CCSER2: variants seen among roughly 807,000 people sequenced by gnomAD.
CCSER2 encodes the protein coiled-coil serine rich protein 2.
CCSER2 carries 46 observed loss-of-function variants against 92.3 expected under a neutral mutation model. The ratio of observed to expected loss-of-function variants is 0.50; its 90% CI spans 0.39 to 0.64. CCSER2 has a LOEUF of 0.64. CCSER2 is among the 30% of genes least tolerant of loss of function. The pLI, the probability that CCSER2 is intolerant of heterozygous loss-of-function variation, is 0.00. For synonymous variants in CCSER2, 433 were observed against 431.4 expected (o/e 1.00, Z -0.04); for missense variants, 1,244 against 1,238.9 (o/e 1.00, Z -0.06).
chr10:84,418,861 C>T (rs375270356), intron 4 of CCSER2, among the ~76,000 whole-genome samples: 1 of 152,120 alleles, frequency 6.6e-6, no homozygotes, highest in Non-Finnish European at 1.5e-5. Context: ...CTGGGAAGCT[C>T]AGGCTATGGG....
chr10:84,439,471 T>G (rs1246166636), intron 6 of CCSER2, among the ~76,000 whole-genome samples: 1 of 152,220 alleles, frequency 6.6e-6, no homozygotes, highest in Non-Finnish European at 1.5e-5. Flanking sequence ...CAGCCTGACT[T>G]CTCTCTGCTG....
intron 3 of CCSER2, among the ~76,000 whole-genome samples, chr10:84,379,795 G>A (rs1330315779): frequency 2.0e-5 from 3 of 151,986 alleles, no homozygotes; most frequent in Admixed American, 6.6e-5. Flanking sequence ...TGTTTTTTGT[G>A]TATATGTGTA....
chr10:84,490,646 C>G (rs1308168448), intron 9 of CCSER2, among the ~76,000 whole-genome samples: 5 of 152,174 alleles, frequency 3.3e-5, no homozygotes, highest in Non-Finnish European at 7.3e-5. Flanking sequence ...TTCATCTAAT[C>G]TTTTCTCAAG....
intron 3 of CCSER2, among the ~76,000 whole-genome samples, chr10:84,408,506 G>A (rs1842482585): frequency 6.7e-6 from 1 of 149,344 alleles, no homozygotes; most frequent in Admixed American, 6.7e-5. Context: ...GGCTTTTTTA[G>A]TAACTTCATA....
At chr10:84,457,382 AATAT>A (rs1845789995) in intron 6 of CCSER2, among the ~76,000 whole-genome samples, 3 of 94,712 alleles carry the variant, frequency 3.2e-5, no homozygotes, top group African/African-American at 4.3e-5. Flanking sequence ...ATATATTTTA[AATAT>A]ATATTTATTT....
In CCSER2 at chr10:84,515,145, A is replaced by T. The variant is rs1201608944; in HGVS notation, c.*878A>T. Reference sequence around the variant, plus strand: ...ACCCTTAGGCTTGTGGATCCATGATAGCCATTTTAAGGTTCCACAGCATTA... The same window carrying T: ...ACCCTTAGGCTTGTGGATCCATGATTGCCATTTTAAGGTTCCACAGCATTA... On this transcript the variant is annotated 3_prime_UTR_variant, in exon 10 of 10. Transcript: ENST00000372088. 1 of 152,616 alleles carries T rather than the reference A, an allele frequency of 6.6e-6. No homozygotes were observed. Among genetic ancestry groups the T allele is most frequent in the Non-Finnish European group, 1.5e-5 (1 of 68,034 alleles). The allele number at this position is 152,616 out of a possible 1,614,324, so 9.5% of individuals were successfully genotyped here.
rs1174565773 is a variant in CCSER2 at position 84,470,595 on chromosome 10, A to T, written c.2235+137A>T. 1.8e-5 allele frequency: 10 copies of T among 562,070 alleles called. No homozygotes were observed. The East Asian group carries it at 4.9e-4, about 27-fold the overall frequency. 34.8% of individuals were successfully genotyped at this position (562,070 alleles called of 1,614,324 possible). ...CACTTTTATATTATTTTTAGATTAT[A>T]TGCACTGTAATAAAAGTATGTGATT... is the stretch of plus-strand genomic sequence containing the variant. On this transcript the variant is annotated intron_variant, in intron 8 of 9. Coordinates refer to ENST00000372088, the MANE Select transcript of CCSER2 (RefSeq NM_001284240.2).
chr10:84,383,790 TC>T (rs1841045868), intron 3 of CCSER2, among the ~76,000 whole-genome samples: 1 of 152,094 alleles, frequency 6.6e-6, no homozygotes, highest in African/African-American at 2.4e-5. Flanking sequence ...ATAACAAAGA[TC>T]AGAGCAGAAC....
chr10:84,458,803 A>G (rs1845926322), intron 6 of CCSER2, among the ~76,000 whole-genome samples: 1 of 152,126 alleles, frequency 6.6e-6, no homozygotes, highest in South Asian at 2.1e-4. Context: ...TATATTTAAT[A>G]TACAGAGTCT....
intron 7 of CCSER2, among the ~76,000 whole-genome samples, chr10:84,466,226 T>C (rs1437940851): frequency 2.6e-5 from 4 of 152,170 alleles, no homozygotes; most frequent in Non-Finnish European, 5.9e-5. Flanking sequence ...TCATCCAAAA[T>C]GGTTTAGCAG....
intron 9 of CCSER2, among the ~76,000 whole-genome samples, chr10:84,512,727 A>T (rs1849427510): frequency 6.6e-6 from 1 of 152,170 alleles, no homozygotes; most frequent in Admixed American, 6.5e-5. Flanking sequence ...CAAAAGGCTG[A>T]TTATTCTAAA....
chr10:84,496,380 G>C (rs1478806641), intron 9 of CCSER2, among the ~76,000 whole-genome samples: 2 of 152,048 alleles, frequency 1.3e-5, no homozygotes, highest in Non-Finnish European at 2.9e-5. Flanking sequence ...CCGCCTCCTG[G>C]GTTCATGCTG....
At chr10:84,398,420 A>G (rs1841953546) in intron 3 of CCSER2, among the ~76,000 whole-genome samples, 1 of 152,204 alleles carries the variant, frequency 6.6e-6, no homozygotes, top group Non-Finnish European at 1.5e-5. Flanking sequence ...CTTATCAGGA[A>G]AATTATTTCA....
intron 8 of CCSER2, among the ~76,000 whole-genome samples, chr10:84,475,710 G>A (rs1337477288): frequency 6.6e-6 from 1 of 152,104 alleles, no homozygotes; most frequent in Non-Finnish European, 1.5e-5. Context: ...TAAGTAAAGT[G>A]TTTTCGTTAC....
chr10:84,476,547 C>T (rs1847158295), intron 8 of CCSER2, among the ~76,000 whole-genome samples: 1 of 146,186 alleles, frequency 6.8e-6, no homozygotes. Flanking sequence ...GGGTTCATGC[C>T]ATTCTCCTGC....
intron 3 of CCSER2, among the ~76,000 whole-genome samples, chr10:84,414,218 G>T (rs1396455346): frequency 6.6e-6 from 1 of 152,188 alleles, no homozygotes; most frequent in Middle Eastern, 3.2e-3. Flanking sequence ...TTGCAGACTT[G>T]TTTATGTGGT....
At chr10:84,364,707 T>A (rs989589628) in intron 1 of CCSER2, among the ~76,000 whole-genome samples, 4 of 151,640 alleles carry the variant, frequency 2.6e-5, no homozygotes, top group Middle Eastern at 3.4e-3. Flanking sequence ...TTTACAGTTT[T>A]AAAAAAAGGC....
chr10:84,378,196 T>G (rs1425865527), intron 3 of CCSER2, among the ~76,000 whole-genome samples: 1 of 152,116 alleles, frequency 6.6e-6, no homozygotes, highest in African/African-American at 2.4e-5. Context: ...TTATTTTGTT[T>G]GCTGAATTTT....
intron 1 of CCSER2, among the ~76,000 whole-genome samples, chr10:84,365,549 T>G (rs1845734190): frequency 1.3e-5 from 2 of 152,238 alleles, no homozygotes. Flanking sequence ...ATTTGTACAT[T>G]TAGAAATCGT....
Sources: gnomAD v4.1 joint callset for allele counts (sites outside exome capture counted in the v4.1 genomes callset) on GRCh38, gnomAD v4.1.1 for gene constraint, MANE v1.5 for transcripts, NCBI Gene and HGNC (gene_info 2026-07-23, HGNC 2026-07-21) for gene names.